CLIP1: variants seen among roughly 807,000 people sequenced by gnomAD.
CLIP1 encodes the protein CAP-Gly domain containing linker protein 1.
A neutral mutation model predicts 161.6 loss-of-function variants in CLIP1; 66 were observed. The ratio of observed to expected loss-of-function variants is 0.41; its 90% CI spans 0.33 to 0.50. The LOEUF is 0.50. CLIP1 is among the 20% of genes least tolerant of loss of function. The pLI is 0.27. For synonymous variants in CLIP1, 598 were observed against 626.2 expected (o/e 0.96, Z 0.67); for missense variants, 1,376 against 1,702.0 (o/e 0.81, Z 3.37).
intron 7 of CLIP1, among the ~76,000 whole-genome samples, chr12:122,353,654 G>A (rs1228943935): frequency 6.7e-6 from 1 of 150,352 alleles, no homozygotes; most frequent in Non-Finnish European, 1.5e-5. Context: ...TTTTTGAGAC[G>A]GAGTCTTGCT....
At chr12:122,353,296 C>A (rs1953139910) in intron 7 of CLIP1, among the ~76,000 whole-genome samples, 1 of 152,128 alleles carries the variant, frequency 6.6e-6, no homozygotes, top group Non-Finnish European at 1.5e-5. Context: ...GAGTTATGAT[C>A]GTATGACTGC....
intron 1 of CLIP1, among the ~76,000 whole-genome samples, chr12:122,389,881 G>A (rs1032276729): frequency 3.3e-5 from 5 of 150,658 alleles, no homozygotes; most frequent in Middle Eastern, 3.2e-3. Context: ...GGGGGGGCCC[G>A]GTGGGAGGTG....
At chr12:122,319,485 C>A in intron 17 of CLIP1, 137 bp from the exon 18 acceptor site, 1 of 652,528 alleles carries the variant, frequency 1.5e-6, no homozygotes. Flanking sequence ...GAATCAGTCA[C>A]AATCCAGTGC....
rs77426143 is a variant in CLIP1, at chr12:122,395,501, A to C, written c.-106-14943T>G. On this transcript the variant is annotated intron_variant, in intron 1 of 25. Transcript: ENST00000620786. The stretch of plus-strand genomic sequence containing the variant: ...TCATGACAATGACCTCACAAACAGG[A>C]ATTCTCATGTTAGTCGCCCTCTGGG... 6.1e-4 allele frequency: 93 copies of C among 152,282 alleles called. 1 individual carries two copies. The highest frequency in any genetic ancestry group is 1.9e-3 in the African/African-American group (78 of 41,562). The allele number at this position is 152,282 out of a possible 1,614,324, so 9.4% of individuals were successfully genotyped here.
intron 9 of CLIP1, 23 bp from the exon 10 acceptor site, chr12:122,347,502 A>G (rs1203350791): frequency 1.4e-5 from 22 of 1,579,462 alleles, no homozygotes; most frequent in African/African-American, 2.7e-5. Flanking sequence ...AGGAAGAGGA[A>G]GAGAACACAA....
intron 20 of CLIP1, among the ~76,000 whole-genome samples, chr12:122,305,622 T>C (rs1217565951): frequency 6.6e-6 from 1 of 152,066 alleles, no homozygotes; most frequent in Non-Finnish European, 1.5e-5. Flanking sequence ...GTCAACTCGA[T>C]TGGATTGAGG....
chr12:122,289,805 GTTT>G (rs11286847), intron 20 of CLIP1, among the ~76,000 whole-genome samples: 1 of 136,772 alleles, frequency 7.3e-6, no homozygotes, highest in Non-Finnish European at 1.6e-5. Flanking sequence ...CACTGTTAAT[GTTT>G]TTTTTTTTTT....
At chr12:122,350,982 A>G in intron 9 of CLIP1, 129 bp downstream of exon 9, 1 of 623,216 alleles carries the variant, frequency 1.6e-6, no homozygotes, top group Non-Finnish European at 2.7e-6. Flanking sequence ...CCACATGCAC[A>G]GAAACATTAA....
At chr12:122,365,356 A>T (rs1396178973) in intron 3 of CLIP1, 9 of 977,162 alleles carry the variant, frequency 9.2e-6, no homozygotes, top group African/African-American at 3.2e-5. Flanking sequence ...CTACAATGTT[A>T]CCCAGCATGC....
chr12:122,384,676 G>T (rs1015141617), intron 1 of CLIP1, among the ~76,000 whole-genome samples: 4 of 151,766 alleles, frequency 2.6e-5, no homozygotes, highest in African/African-American at 9.7e-5. Flanking sequence ...TGGGAGAATC[G>T]CTTGAACCCA....
chr12:122,326,026 T>C (rs1951700094), intron 17 of CLIP1, among the ~76,000 whole-genome samples: 1 of 152,212 alleles, frequency 6.6e-6, no homozygotes, highest in East Asian at 1.9e-4. Context: ...GCCCACTGGC[T>C]CTTAAAAGTA....
intron 20 of CLIP1, among the ~76,000 whole-genome samples, chr12:122,309,067 C>T (rs538353636): frequency 6.6e-6 from 1 of 152,302 alleles, no homozygotes; most frequent in South Asian, 2.1e-4. Context: ...CACAATTCAG[C>T]ACTTTGATTC....
chr12:122,287,255 T>C (rs1384148229), intron 21 of CLIP1, among the ~76,000 whole-genome samples: 1 of 152,146 alleles, frequency 6.6e-6, no homozygotes, highest in Non-Finnish European at 1.5e-5. Context: ...GCTTACGGAA[T>C]CCAAATAGCT....
Position 122,373,864 on chromosome 12 carries a change from T to C in CLIP1, c.657+3525A>G, listed in dbSNP as rs543821934. On this transcript the variant is annotated intron_variant, in intron 3 of 25. Coordinates refer to ENST00000620786, the MANE Select transcript of CLIP1 (RefSeq NM_001247997.2). ...ATGTAATAAGACCTCACTATGTGTGTGTTTCACTTCTACATATTATAGACA... is the reference window on the plus strand; with the variant it reads ...ATGTAATAAGACCTCACTATGTGTGCGTTTCACTTCTACATATTATAGACA... Among the ~76,000 whole-genome samples the C allele has an allele frequency of 2.0e-5, 3 of 152,314 alleles. No individual in the cohort carries two copies. The East Asian group carries it at 5.8e-4, about 29-fold the overall frequency.
rs1334195173 is a variant in CLIP1, at chr12:122,311,221, CAT to C, written c.3474-1341_3474-1340del. Among the ~76,000 whole-genome samples the C allele has an allele frequency of 6.6e-6, 1 of 151,972 alleles. No individual in the cohort carries two copies. Among genetic ancestry groups the C allele is most frequent in the Admixed American group, 6.6e-5 (1 of 15,252 alleles). On this transcript the variant is annotated intron_variant, in intron 19 of 25. Coordinates refer to ENST00000620786, the MANE Select transcript of CLIP1 (RefSeq NM_001247997.2). This position sits in a 1 kb window ranked among gnomAD's most constrained non-coding sequence, Gnocchi z 4.3. ...TATGGTAAAATTACCATAAGCTAAA[CAT>C]ATTTCCCAGGTGGTCACTGCCTTCA...
rs192370101 is a variant in CLIP1 at position 122,286,784 on chromosome 12, G to A, written c.3647+1705C>T. Among the ~76,000 whole-genome samples the A allele has an allele frequency of 1.2e-3, 186 of 152,018 alleles. 1 individual carries two copies. Among genetic ancestry groups the A allele is most frequent in the East Asian group, 8.7e-3 (45 of 5,150 alleles). On this transcript the variant is annotated intron_variant, in intron 21 of 25. Transcript: ENST00000620786. ...GAGGCTGAGGCAGGCGGATCACGAC[G>A]TCAGGAGATAGAGACCATCCTGGCT... is the stretch of plus-strand genomic sequence containing the variant.
intron 10 of CLIP1, 99 bp downstream of exon 10, chr12:122,347,276 C>A: frequency 1.2e-6 from 1 of 830,532 alleles, no homozygotes; most frequent in Non-Finnish European, 2.0e-6. Flanking sequence ...TCAGGTTGAA[C>A]CACTGGGTCA....
At chr12:122,332,819 TAGA>T (rs1435032175) in intron 15 of CLIP1, among the ~76,000 whole-genome samples, 165 bp downstream of exon 15, 1 of 152,202 alleles carries the variant, frequency 6.6e-6, no homozygotes, top group Non-Finnish European at 1.5e-5. Context: ...AAATCCATTT[TAGA>T]AGGTTAAATA....
intron 13 of CLIP1, among the ~76,000 whole-genome samples, chr12:122,334,407 C>T (rs2136287377): frequency 6.6e-6 from 1 of 152,300 alleles, no homozygotes; most frequent in East Asian, 1.9e-4. Flanking sequence ...GCATAAATAA[C>T]ACTCTTCCCA....
Sources: allele counts gnomAD v4.1 joint callset (sites outside exome capture counted in the v4.1 genomes callset), GRCh38; gene constraint gnomAD v4.1.1; non-coding constraint Gnocchi (gnomAD v3.1); transcripts MANE v1.5; gene names NCBI Gene and HGNC (gene_info 2026-07-23, HGNC 2026-07-21).